FCGR2B: variants seen among roughly 807,000 people sequenced by gnomAD.
FCGR2B encodes Fc gamma receptor IIb.
In FCGR2B, 18 loss-of-function variants were observed where a neutral mutation model predicts 24.8. The observed-to-expected ratio is 0.73, with a 90% CI of 0.50 to 1.08. The LOEUF is 1.08. Ranked by LOEUF, FCGR2B falls within the 50% of genes least tolerant of loss-of-function variation. The pLI is 0.00. For synonymous variants in FCGR2B, 79 were observed against 109.8 expected (o/e 0.72, Z 1.75); for missense variants, 215 against 297.6 (o/e 0.72, Z 2.04).
the FCGR2B span, among the ~76,000 whole-genome samples, chr1:161,650,168 A>C: frequency 2.0e-5 from 3 of 148,042 alleles, no homozygotes; most frequent in Non-Finnish European, 4.5e-5. Flanking sequence ...TGCCTGGCTA[A>C]TTTTTGTATT....
At chr1:161,648,794 A>G in the FCGR2B span, among the ~76,000 whole-genome samples, 1 of 150,710 alleles carries the variant, frequency 6.6e-6, no homozygotes. Flanking sequence ...GGTTCAAGTG[A>G]TTCTCATGCC....
chr1:161,656,107 T>C, the FCGR2B span, among the ~76,000 whole-genome samples: 2 of 127,150 alleles, frequency 1.6e-5, no homozygotes, highest in South Asian at 2.8e-4. Context: ...TCCACCTGCC[T>C]CGGCCTCCCA....
intron 3 of FCGR2B, 163 bp from the exon 4 acceptor site, chr1:161,672,812 C>T: frequency 2.6e-6 from 3 of 1,167,894 alleles, no homozygotes; most frequent in Non-Finnish European, 3.6e-6. Context: ...AATTATTTGC[C>T]CAAGAGTTCA....
chr1:161,673,599 A>T (rs1681885483), intron 4 of FCGR2B: 2 of 666,618 alleles, frequency 3.0e-6, no homozygotes, highest in Non-Finnish European at 2.8e-6. Context: ...CACTCCAGAA[A>T]GCCTGGCACG....
the FCGR2B span, among the ~76,000 whole-genome samples, chr1:161,648,468 T>C: frequency 2.7e-5 from 4 of 149,524 alleles, no homozygotes; most frequent in Non-Finnish European, 4.4e-5. Flanking sequence ...CCCTGATAAG[T>C]AGTGACTTAT....
At chr1:161,676,905 C>T in intron 6 of FCGR2B, 1 of 235,800 alleles carries the variant, frequency 4.2e-6, no homozygotes, top group Non-Finnish European at 8.2e-6. Flanking sequence ...AGATGCACTA[C>T]ATTTAGACAA....
At chr1:161,652,917 C>G in the FCGR2B span, among the ~76,000 whole-genome samples, 6 of 134,058 alleles carry the variant, frequency 4.5e-5, 1 homozygote, top group Admixed American at 1.7e-4. Context: ...CACCGGTATT[C>G]CCGGATGGTA....
the FCGR2B span, among the ~76,000 whole-genome samples, chr1:161,651,949 A>G: frequency 1.0e-5 from 1 of 99,886 alleles, no homozygotes; most frequent in Non-Finnish European, 2.5e-5. Context: ...CTGAAATAAA[A>G]TAAAATAAAA....
At chr1:161,655,138 G>A in the FCGR2B span, among the ~76,000 whole-genome samples, 3 of 150,456 alleles carry the variant, frequency 2.0e-5, no homozygotes, top group Non-Finnish European at 1.5e-5. Context: ...TGTCCTTGAG[G>A]TCGGCACTGA....
the FCGR2B span, among the ~76,000 whole-genome samples, chr1:161,647,483 T>C: frequency 6.7e-6 from 1 of 150,334 alleles, no homozygotes; most frequent in Non-Finnish European, 1.5e-5. Context: ...GTACTTTTAG[T>C]AGGGACAGGG....
At chr1:161,676,992 T>C in intron 6 of FCGR2B, 1 of 405,358 alleles carries the variant, frequency 2.5e-6, no homozygotes, top group Non-Finnish European at 4.4e-6. Flanking sequence ...ACTCTGATGC[T>C]GAACACCCCC....
rs761451542 is a variant in FCGR2B at position 161,671,376 on chromosome 1, T to G, written c.134-16T>G. 1.9e-6 allele frequency: 3 copies of G among 1,613,968 alleles called. No individual in the cohort carries two copies. The African/African-American group carries it at 4.0e-5, about 22-fold the overall frequency. ...GCTTCCTCTTCTTCATGCTACCTCC[T>G]CTCTCTGCCCCTCAGCAGCTCCCCC... On this transcript the variant is annotated splice_polypyrimidine_tract_variant and intron_variant, in intron 2 of 7. Transcript: ENST00000358671.
chr1:161,673,254 A>G (rs2125685), intron 4 of FCGR2B, 25 bp downstream of exon 4: 471,258 of 1,278,496 alleles, frequency 0.37, 129,070 homozygotes, highest in Admixed American at 0.51. Context: ...CCAAGATGTA[A>G]GGAGGGGAGA....
the FCGR2B span, among the ~76,000 whole-genome samples, chr1:161,652,200 T>G: frequency 6.0e-5 from 8 of 132,926 alleles, 2 homozygotes; most frequent in Non-Finnish European, 1.2e-4. Context: ...TTCTCTCCCA[T>G]TCTTTCTCTA....
At chr1:161,648,466 A>G in the FCGR2B span, among the ~76,000 whole-genome samples, 1 of 149,328 alleles carries the variant, frequency 6.7e-6, no homozygotes, top group Admixed American at 6.7e-5. Flanking sequence ...TTCCCTGATA[A>G]GTAGTGACTT....
At chr1:161,651,941 G>GAAATAAAATAAAATA in the FCGR2B span, among the ~76,000 whole-genome samples, 99 of 105,380 alleles carry the variant, frequency 9.4e-4, 6 homozygotes, top group African/African-American at 2.5e-3. Flanking sequence ...CTCAAAAACT[G>GAAATAAAATAAAATA]AAATAAAATA....
chr1:161,674,823 C>T (rs1175684304), intron 5 of FCGR2B: 4 of 155,748 alleles, frequency 2.6e-5, no homozygotes, highest in Non-Finnish European at 5.6e-5. Flanking sequence ...ATATGGGTGT[C>T]GAAGGGGGAG....
intron 3 of FCGR2B, chr1:161,672,013 C>T (rs1428116467): frequency 5.9e-5 from 18 of 306,986 alleles, no homozygotes; most frequent in African/African-American, 3.3e-4. Flanking sequence ...TCTTCACCTG[C>T]TCCGTGGGGC....
intron 2 of FCGR2B, among the ~76,000 whole-genome samples, chr1:161,671,088 G>A (rs1188359669): frequency 6.6e-6 from 1 of 152,148 alleles, no homozygotes; most frequent in Non-Finnish European, 1.5e-5. Flanking sequence ...GGGAGAGGTT[G>A]GTGGGGAGAG....
Sources: gnomAD v4.1 joint callset for allele counts (sites outside exome capture counted in the v4.1 genomes callset) on GRCh38, gnomAD v4.1.1 for gene constraint, MANE v1.5 for transcripts, NCBI Gene and HGNC (gene_info 2026-07-23, HGNC 2026-07-21) for gene names.